The following LIMCH1 variants were observed in gnomAD, a reference collection of about 807,000 sequenced individuals.
The protein encoded by LIMCH1 is LIM and calponin homology domains 1.
Under a neutral mutation model 176.5 loss-of-function variants are expected in LIMCH1, and 113 were observed. That is an observed-to-expected ratio of 0.64 (90% CI 0.55 to 0.75). The LOEUF is 0.75. Ranked by LOEUF, LIMCH1 falls within the 30% of genes least tolerant of loss-of-function variation. The pLI, the probability that LIMCH1 is intolerant of heterozygous loss-of-function variation, is 0.00. For missense variants in LIMCH1, 1,674 were observed against 1,814.9 expected, an observed-to-expected ratio of 0.92 and a Z score of 1.41; for synonymous variants, 619 against 645.9, an observed-to-expected ratio of 0.96 and a Z score of 0.63.
chr4:41,604,083 C>A, intron 3 of LIMCH1, 178 bp downstream of exon 3: 1 of 516,732 alleles, frequency 1.9e-6, no homozygotes, highest in Non-Finnish European at 2.5e-6. Flanking sequence ...ATGTGTTGGG[C>A]TGGGGTGGTG....
intron 2 of LIMCH1, among the ~76,000 whole-genome samples, chr4:41,498,973 C>T (rs1162636543): frequency 6.6e-6 from 1 of 151,782 alleles, no homozygotes; most frequent in African/African-American, 2.4e-5. Flanking sequence ...ATATGTGGCT[C>T]ACAAAGCCTA....
intron 2 of LIMCH1, among the ~76,000 whole-genome samples, chr4:41,495,167 T>C (rs535235984): frequency 3.9e-5 from 6 of 152,354 alleles, no homozygotes; most frequent in Admixed American, 3.3e-4. Context: ...TAGCTCTAGC[T>C]ACAAAATAAG....
intron 2 of LIMCH1, among the ~76,000 whole-genome samples, chr4:41,509,912 G>A (rs953145691): frequency 3.9e-5 from 6 of 152,182 alleles, no homozygotes; most frequent in African/African-American, 1.2e-4. Context: ...TCTACTCTGG[G>A]AGCTCTTGTG....
intron 1 of LIMCH1, among the ~76,000 whole-genome samples, chr4:41,486,483 G>C (rs775510910): frequency 5.3e-5 from 8 of 152,154 alleles, no homozygotes; most frequent in Non-Finnish European, 7.3e-5. Context: ...GTCATGAGGG[G>C]AACAGGAATT....
intron 1 of LIMCH1, among the ~76,000 whole-genome samples, chr4:41,413,356 G>A (rs2059655894): frequency 6.6e-6 from 1 of 151,638 alleles, no homozygotes; most frequent in South Asian, 2.1e-4. Flanking sequence ...TTGAGACAAG[G>A]TCTCATTCCA....
At chr4:41,404,627 A>G (rs2154119600) in intron 1 of LIMCH1, among the ~76,000 whole-genome samples, 1 of 152,144 alleles carries the variant, frequency 6.6e-6, no homozygotes, top group East Asian at 1.9e-4. Context: ...AAAATACAAA[A>G]AATTAGCTGG....
At chr4:41,385,474 T>C (rs2056365567) in intron 1 of LIMCH1, among the ~76,000 whole-genome samples, 1 of 152,216 alleles carries the variant, frequency 6.6e-6, no homozygotes, top group Non-Finnish European at 1.5e-5. Context: ...ATTAAAAATG[T>C]AATTTTGTGC....
At chr4:41,642,740 T>TTC (rs1554147041) in intron 14 of LIMCH1, among the ~76,000 whole-genome samples, 1 of 149,504 alleles carries the variant, frequency 6.7e-6, no homozygotes, top group African/African-American at 2.5e-5. Context: ...CTTTTTTCTT[T>TTC]TTTTTTTTTT....
chr4:41,620,267 C>A, intron 6 of LIMCH1, 157 bp from the exon 7 acceptor site: 1 of 707,712 alleles, frequency 1.4e-6, no homozygotes. Flanking sequence ...AATTAAATGG[C>A]TGCGTTGAAT....
chr4:41,502,969 C>T (rs2073589799), intron 2 of LIMCH1, among the ~76,000 whole-genome samples: 1 of 150,658 alleles, frequency 6.6e-6, no homozygotes, highest in South Asian at 2.1e-4. Context: ...TATAACCATG[C>T]TTGAATTGTG....
intron 1 of LIMCH1, among the ~76,000 whole-genome samples, chr4:41,445,306 C>G (rs2063173566): frequency 6.6e-6 from 1 of 152,150 alleles, no homozygotes; most frequent in South Asian, 2.1e-4. Context: ...GCACGGCCCC[C>G]ATTCTTTATT....
rs201419301 is a variant in LIMCH1 at position 41,487,689 on chromosome 4, C to T, written c.97-6847C>T. 6.9e-4 allele frequency among the ~76,000 whole-genome samples: 86 copies of T among 124,036 alleles called. 2 individuals carry two copies. The East Asian group carries it at 0.014, about 21-fold the overall frequency. 81.4% of individuals were successfully genotyped at this position (124,036 alleles called of 152,430 possible). A position where few individuals can be genotyped will look rare whatever the true frequency, so the allele number is the denominator to read the frequency against. The stretch of plus-strand genomic sequence containing the variant: ...TTTTTTTTTTTTTGAGACGGAGTCT[C>T]GCTCTGTCGCCCAGGCTGGAGTGCA... On this transcript the variant is annotated intron_variant, in intron 1 of 26. Transcript: ENST00000313860.
At chr4:41,535,162 CAAAAAAA>C (rs61639965), upstream of LIMCH1, among the ~76,000 whole-genome samples, 5 of 83,982 alleles carry the variant, frequency 6.0e-5, no homozygotes, top group South Asian at 4.2e-4. Flanking sequence ...GACCCTGTCA[CAAAAAAA>C]AAAAAAAAAA....
At chr4:41,632,150 C>T (rs553130167) in intron 10 of LIMCH1, among the ~76,000 whole-genome samples, 18 of 152,270 alleles carry the variant, frequency 1.2e-4, no homozygotes, top group African/African-American at 4.3e-4. Context: ...GGATTTGGTT[C>T]TGTGGGCTGG....
upstream of LIMCH1, among the ~76,000 whole-genome samples, chr4:41,360,026 G>GGTGTGTGTGTGTGTGTGTGTGT (rs35179191): frequency 4.1e-5 from 6 of 145,872 alleles, no homozygotes; most frequent in African/African-American, 1.5e-4. This position sits in a 1 kb window ranked among gnomAD's most constrained non-coding sequence, Gnocchi z 4.5. Flanking sequence ...GGGTGTGTAG[G>GGTGTGTGTGTGTGTGTGTGTGT]GTGTGTGTGT....
At chr4:41,476,450 C>T (rs1451784461) in intron 1 of LIMCH1, among the ~76,000 whole-genome samples, 1 of 152,186 alleles carries the variant, frequency 6.6e-6, no homozygotes, top group African/African-American at 2.4e-5. Context: ...GAGCAAGGTT[C>T]ACTCCTGTGC....
At chr4:41,400,375 C>A (rs554447300) in intron 1 of LIMCH1, among the ~76,000 whole-genome samples, 1 of 152,220 alleles carries the variant, frequency 6.6e-6, no homozygotes, top group Admixed American at 6.5e-5. Flanking sequence ...TTTTCTCTGT[C>A]AATTTTTTTC....
chr4:41,398,646 A>G (rs1384826306), intron 1 of LIMCH1, among the ~76,000 whole-genome samples: 1 of 152,168 alleles, frequency 6.6e-6, no homozygotes, highest in East Asian at 1.9e-4. Context: ...TGCACAAGGT[A>G]GCTTTGTGCA....
chr4:41,366,871 C>T (rs1028838910), intron 1 of LIMCH1, among the ~76,000 whole-genome samples: 17 of 152,210 alleles, frequency 1.1e-4, no homozygotes, highest in Admixed American at 2.6e-4. Flanking sequence ...CATAAAGATA[C>T]GACCTGAGAC....
Sources: allele counts gnomAD v4.1 joint callset (sites outside exome capture counted in the v4.1 genomes callset), GRCh38; gene constraint gnomAD v4.1.1; non-coding constraint Gnocchi (gnomAD v3.1); transcripts MANE v1.5; gene names NCBI Gene and HGNC (gene_info 2026-07-23, HGNC 2026-07-21).